Variants in ZHX2 observed in about 807,000 individuals in gnomAD.
The protein encoded by ZHX2 is zinc fingers and homeoboxes protein 2.
A neutral mutation model predicts 21.9 loss-of-function variants in ZHX2; 6 were observed. That is an observed-to-expected ratio of 0.27 (90% CI 0.15 to 0.54). The LOEUF is 0.54. Among genes scored for constraint, ZHX2 ranks in the 20% least tolerant of loss-of-function variants. The probability of loss-of-function intolerance (pLI) is 0.95; values close to 1 mark genes in which losing one functional copy is unlikely to be tolerated. For missense variants in ZHX2, 908 were observed against 1,090.7 expected, an observed-to-expected ratio of 0.83 and a Z score of 2.36; for synonymous variants, 434 against 437.1, an observed-to-expected ratio of 0.99 and a Z score of 0.09.
intron 2 of ZHX2, among the ~76,000 whole-genome samples, chr8:122,904,171 C>G (rs1820294503): frequency 6.6e-6 from 1 of 152,116 alleles, no homozygotes; most frequent in Non-Finnish European, 1.5e-5. Context: ...ACCCTCCCAA[C>G]AAAAGCCCCC....
At chr8:122,800,421 C>G (rs149573696) in intron 1 of ZHX2, among the ~76,000 whole-genome samples, 1 of 152,172 alleles carries the variant, frequency 6.6e-6, no homozygotes, top group Non-Finnish European at 1.5e-5. Context: ...TGCCTGCAAA[C>G]CCTGGCTTCT....
In ZHX2 at chr8:122,953,229, C is replaced by G. The variant is rs142958129; in HGVS notation, c.1719C>G (p.Ile573Met). Residue 573 changes from isoleucine (I) to methionine (M), a missense_variant, in exon 3 of 4, where the codon ATC becomes ATG. Ile to Met is a conservative substitution (Grantham distance 10). Transcript: ENST00000314393. The surrounding 1 kb of genome is among the most constrained non-coding windows in gnomAD (Gnocchi z 4.6). ...RVETKLSRREIDSWFSERRKL... is the reference protein window; with the variant it reads ...RVETKLSRREMDSWFSERRKL... ...AGACCAAGCTGAGCAGGAGAGAGAT[C>G]GACTCCTGGTTCTCGGAGAGGCGGA... The G allele has an allele frequency of 6.2e-6, 10 of 1,613,654 alleles. No homozygotes were observed. Among genetic ancestry groups the G allele is most frequent in the Non-Finnish European group, 8.5e-6 (10 of 1,179,972 alleles).
intron 1 of ZHX2, among the ~76,000 whole-genome samples, chr8:122,812,401 C>G (rs765417564): frequency 6.6e-6 from 1 of 152,206 alleles, no homozygotes; most frequent in Non-Finnish European, 1.5e-5. Context: ...CACTGAGATA[C>G]ATTGCCAAAA....
chr8:122,908,407 A>G (rs557792665), intron 2 of ZHX2, among the ~76,000 whole-genome samples: 1 of 152,064 alleles, frequency 6.6e-6, no homozygotes, highest in African/African-American at 2.4e-5. Context: ...ACGGGGTTTC[A>G]CCATGTTGGC....
intron 2 of ZHX2, among the ~76,000 whole-genome samples, chr8:122,881,172 C>CCT (rs1819707127): frequency 6.6e-6 from 1 of 152,226 alleles, no homozygotes; most frequent in African/African-American, 2.4e-5. Context: ...GGCCCTCCTC[C>CCT]CTCATCCTGA....
chr8:122,964,237 T>A (rs1282068546), intron 3 of ZHX2, among the ~76,000 whole-genome samples: 3 of 152,200 alleles, frequency 2.0e-5, no homozygotes, highest in Non-Finnish European at 4.4e-5. Context: ...TCAGGGGAAC[T>A]ACTTTCAACT....
chr8:122,873,241 A>G (rs1586348542), intron 2 of ZHX2, among the ~76,000 whole-genome samples: 2 of 152,338 alleles, frequency 1.3e-5, no homozygotes, highest in Non-Finnish European at 2.9e-5. Flanking sequence ...AGTGGGGAGC[A>G]CTGAACCTGG....
At chr8:122,967,620 T>C (rs1586432456) in intron 3 of ZHX2, among the ~76,000 whole-genome samples, 1 of 152,250 alleles carries the variant, frequency 6.6e-6, no homozygotes, top group East Asian at 1.9e-4. Flanking sequence ...TTTTCTCAAA[T>C]GCTGGTTACA....
chr8:122,798,812 AAAAG>A (rs1156266123), intron 1 of ZHX2, among the ~76,000 whole-genome samples: 5 of 152,100 alleles, frequency 3.3e-5, no homozygotes, highest in African/African-American at 7.2e-5. Context: ...AAAAAAAAAA[AAAAG>A]AAAGAAAGAA....
At chr8:122,818,758 G>C (rs565931634) in intron 1 of ZHX2, among the ~76,000 whole-genome samples, 1 of 152,148 alleles carries the variant, frequency 6.6e-6, no homozygotes, top group Non-Finnish European at 1.5e-5. Flanking sequence ...CAGGATCTTC[G>C]TTGCTTAGGA....
intron 2 of ZHX2, among the ~76,000 whole-genome samples, chr8:122,907,019 G>A (rs555849101): frequency 6.9e-4 from 105 of 152,274 alleles, no homozygotes; most frequent in Non-Finnish European, 1.4e-3. Flanking sequence ...AAAAATTTAA[G>A]TGGTTTCGAC....
intron 1 of ZHX2, among the ~76,000 whole-genome samples, chr8:122,823,615 T>C (rs1180159948): frequency 6.6e-6 from 1 of 152,250 alleles, no homozygotes; most frequent in Admixed American, 6.5e-5. Context: ...ACTGTCTCCA[T>C]GCCCACTTTC....
intron 2 of ZHX2, among the ~76,000 whole-genome samples, chr8:122,870,975 T>C (rs1222973484): frequency 6.6e-6 from 1 of 152,074 alleles, no homozygotes; most frequent in Non-Finnish European, 1.5e-5. Context: ...GCAGAAAAAG[T>C]GGCAGGTGGT....
chr8:122,849,582 G>C (rs1818838920), intron 1 of ZHX2, among the ~76,000 whole-genome samples: 1 of 152,036 alleles, frequency 6.6e-6, no homozygotes, highest in Non-Finnish European at 1.5e-5. Flanking sequence ...TCCCATCTCT[G>C]CCTCTGTCTT....
chr8:122,947,414 G>A (rs1290125492), intron 2 of ZHX2, among the ~76,000 whole-genome samples: 1 of 152,250 alleles, frequency 6.6e-6, no homozygotes, highest in African/African-American at 2.4e-5. Context: ...AATGTGGCTA[G>A]TATGACTGTG....
At chr8:122,921,991 A>G (rs186973985) in intron 2 of ZHX2, among the ~76,000 whole-genome samples, 4 of 152,312 alleles carry the variant, frequency 2.6e-5, no homozygotes, top group Admixed American at 2.6e-4. Context: ...ATAGGCTGGA[A>G]ACAAATACAC....
chr8:122,852,448 T>A (rs1818922907), intron 1 of ZHX2, among the ~76,000 whole-genome samples: 1 of 152,068 alleles, frequency 6.6e-6, no homozygotes, highest in Non-Finnish European at 1.5e-5. Context: ...TAACACCGTG[T>A]AATAGTAGTC....
chr8:122,844,174 T>C (rs894894973), intron 1 of ZHX2, among the ~76,000 whole-genome samples: 37 of 152,318 alleles, frequency 2.4e-4, no homozygotes, highest in African/African-American at 8.7e-4. Flanking sequence ...ATTGATCTCT[T>C]GGGGTGGCCA....
At chr8:122,873,986 C>T (rs1205217743) in intron 2 of ZHX2, among the ~76,000 whole-genome samples, 1 of 152,146 alleles carries the variant, frequency 6.6e-6, no homozygotes, top group East Asian at 1.9e-4. Context: ...TTACCTTGTG[C>T]CTACCCTGAT....
Sources: gnomAD v4.1 joint callset for allele counts (sites outside exome capture counted in the v4.1 genomes callset) on GRCh38, gnomAD v4.1.1 for gene constraint, Gnocchi (gnomAD v3.1) non-coding constraint, MANE v1.5 for transcripts, NCBI Gene and HGNC (gene_info 2026-07-23, HGNC 2026-07-21) for gene names.